NEURL1B: variants seen among roughly 807,000 people sequenced by gnomAD.
NEURL1B encodes the protein E3 ubiquitin-protein ligase NEURL1B.
In NEURL1B, 13 loss-of-function variants were observed where a neutral mutation model predicts 37.4. The ratio of observed to expected loss-of-function variants is 0.35; its 90% CI spans 0.23 to 0.55. NEURL1B has a LOEUF of 0.55. Among genes scored for constraint, NEURL1B ranks in the 20% least tolerant of loss-of-function variants. The pLI is 0.89. For synonymous variants in NEURL1B, 432 were observed against 426.6 expected, an observed-to-expected ratio of 1.01 and a Z score of -0.16; for missense variants, 790 against 879.2, an observed-to-expected ratio of 0.90 and a Z score of 1.28.
rs182233131 is a variant in NEURL1B, at chr5:172,668,670, G to T, written c.32-1115G>T. Among the ~76,000 whole-genome samples, 8 of 152,334 alleles carry T rather than the reference G, an allele frequency of 5.3e-5. No homozygotes were observed. In the East Asian group the frequency reaches 1.5e-3, roughly 29 times the overall value. On this transcript the variant is annotated intron_variant, in intron 1 of 4. Coordinates refer to ENST00000369800, the MANE Select transcript of NEURL1B (RefSeq NM_001142651.3). The stretch of plus-strand genomic sequence containing the variant: ...TCTCATTGTGTGCCTTGGGCGGCCT[G>T]TGGTTTCTGAGAATTTGCCATGAAA...
chr5:172,673,790 T>C (rs1339782629), intron 2 of NEURL1B, among the ~76,000 whole-genome samples: 1 of 135,948 alleles, frequency 7.4e-6, no homozygotes, highest in Non-Finnish European at 1.5e-5. Context: ...GCGTATCCCA[T>C]GCAATGTTTG....
rs1758231002 is a variant in NEURL1B at position 172,676,228 on chromosome 5, G to A, written c.577+5898G>A. ...CCTGGGAATGGTTGCCTTTAAGCCTGGCTCAATGCGGGGACCCAAAGAACT... is the reference window on the plus strand; with the variant it reads ...CCTGGGAATGGTTGCCTTTAAGCCTAGCTCAATGCGGGGACCCAAAGAACT... On this transcript the variant is annotated intron_variant, in intron 2 of 4. Coordinates refer to ENST00000369800, the MANE Select transcript of NEURL1B (RefSeq NM_001142651.3). This position sits in a 1 kb window ranked among gnomAD's most constrained non-coding sequence, Gnocchi z 4.5. Among the ~76,000 whole-genome samples the A allele has an allele frequency of 6.6e-6, 1 of 151,710 alleles. No homozygotes were observed. Among genetic ancestry groups the A allele is most frequent in the Admixed American group, 6.6e-5 (1 of 15,256 alleles).
intron 2 of NEURL1B, among the ~76,000 whole-genome samples, chr5:172,680,052 C>T (rs559839884): frequency 6.6e-6 from 1 of 152,342 alleles, no homozygotes; most frequent in South Asian, 2.1e-4. Context: ...ACAGGAGCCA[C>T]GCCTGTGTGT....
chr5:172,641,791 G>A lies in NEURL1B; in HGVS notation c.31+354G>A, dbSNP rs1355202696. 6.6e-6 allele frequency among the ~76,000 whole-genome samples: 1 copy of A among 152,242 alleles called. No homozygotes were observed. Among genetic ancestry groups the A allele is most frequent in the Admixed American group, 6.5e-5 (1 of 15,290 alleles). ...AAGGCGACCTGGGTGGGGGTGACTG[G>A]AGCCGGGCTCGCCAGGGCTTCCGAC... On this transcript the variant is annotated intron_variant, in intron 1 of 4. Coordinates refer to ENST00000369800, the MANE Select transcript of NEURL1B (RefSeq NM_001142651.3). The surrounding 1 kb of genome is among the most constrained non-coding windows in gnomAD (Gnocchi z 6.4).
At position 172,686,678 on chromosome 5, in the gene NEURL1B, C is replaced by T. The variant is rs1365039999; in HGVS notation, c.1424-3C>T. On this transcript the variant is annotated splice_region_variant and splice_polypyrimidine_tract_variant and intron_variant, in intron 4 of 4. Coordinates refer to ENST00000369800, the MANE Select transcript of NEURL1B (RefSeq NM_001142651.3). The surrounding 1 kb of genome is among the most constrained non-coding windows in gnomAD (Gnocchi z 7.9). ...ACATATGTCCTCTTCTCCCTTTCGG[C>T]AGTGACGGCCCCCAGCTCCCCGCTG... 5.2e-6 allele frequency: 8 copies of T among 1,548,482 alleles called. No homozygotes were observed. Among genetic ancestry groups the T allele is most frequent in the Non-Finnish European group, 7.0e-6 (8 of 1,144,780 alleles).
At chr5:172,668,170 C>T (rs1400220430) in intron 1 of NEURL1B, among the ~76,000 whole-genome samples, 1 of 152,044 alleles carries the variant, frequency 6.6e-6, no homozygotes, top group Non-Finnish European at 1.5e-5. Context: ...CTGACTTTGC[C>T]CACTGGAACG....
intron 2 of NEURL1B, among the ~76,000 whole-genome samples, chr5:172,682,158 G>A (rs185293171): frequency 1.2e-3 from 186 of 152,282 alleles, no homozygotes; most frequent in African/African-American, 3.9e-3. Context: ...ACTAAAGTAC[G>A]AATACCTGTA....
In NEURL1B at chr5:172,683,474, C is replaced by A; in HGVS notation, c.633C>A (p.Ser211Arg). 2 of 1,487,506 alleles carry A rather than the reference C, an allele frequency of 1.3e-6. No homozygotes were observed. The highest frequency in any genetic ancestry group is 1.8e-6 in the Non-Finnish European group (2 of 1,122,466). The allele number at this position is 1,487,506 out of a possible 1,614,324, so 92.1% of individuals were successfully genotyped here. ...CGCGCCTCAGCCAGGCCCGCTTCAG[C>A]GCCTGCCTGCCGCCCAGCAGCCACG... is the stretch of plus-strand genomic sequence containing the variant. ...TPARLSQARFSACLPPSSHDA... is the reference protein window; with the variant it reads ...TPARLSQARFRACLPPSSHDA... The change falls in exon 3 of 5, where the codon AGC becomes AGA. Residue 211 changes from serine (S) to arginine (R), a missense_variant. By Grantham distance (110) the Ser-to-Arg change is moderately radical (BLOSUM62 -1). Coordinates refer to ENST00000369800, the MANE Select transcript of NEURL1B (RefSeq NM_001142651.3). This position sits in a 1 kb window ranked among gnomAD's most constrained non-coding sequence, Gnocchi z 5.6.
chr5:172,650,264 G>C (rs1757637246), intron 1 of NEURL1B, among the ~76,000 whole-genome samples: 1 of 152,176 alleles, frequency 6.6e-6, no homozygotes, highest in African/African-American at 2.4e-5. Flanking sequence ...TCTCAGAAAA[G>C]CTTCCCTTCC....
Position 172,686,157 on chromosome 5 carries a change from T to C in NEURL1B, c.1298-14T>C. 1 of 1,551,210 alleles carries C rather than the reference T, an allele frequency of 6.4e-7. No individual in the cohort carries two copies. Among genetic ancestry groups the C allele is most frequent in the Non-Finnish European group, 8.7e-7 (1 of 1,146,784 alleles). ...ACCTTCCACTGCCCCTGATGGAATC[T>C]CTTTGGGCCTCAGGTACCCTGCAGT... is the stretch of plus-strand genomic sequence containing the variant. On this transcript the variant is annotated splice_polypyrimidine_tract_variant and intron_variant, in intron 3 of 4. Transcript: ENST00000369800. This position sits in a 1 kb window ranked among gnomAD's most constrained non-coding sequence, Gnocchi z 7.9.
In NEURL1B at chr5:172,686,055, T is replaced by C. The variant is rs1758488431; in HGVS notation, c.1298-116T>C. Reference sequence around the variant, plus strand: ...CACTCCTCAGCAGAACCCTGGGAGATACCTCTGGTCCTCTCGTTAGACGGG... The same window carrying C: ...CACTCCTCAGCAGAACCCTGGGAGACACCTCTGGTCCTCTCGTTAGACGGG... On this transcript the variant is annotated intron_variant, in intron 3 of 4. Transcript: ENST00000369800. The surrounding 1 kb of genome is among the most constrained non-coding windows in gnomAD (Gnocchi z 7.9). 1 of 1,252,402 alleles carries C rather than the reference T, an allele frequency of 8.0e-7. No individual in the cohort carries two copies. Among genetic ancestry groups the C allele is most frequent in the African/African-American group, 1.5e-5 (1 of 66,692 alleles). The allele number at this position is 1,252,402 out of a possible 1,614,324, so 77.6% of individuals were successfully genotyped here.
At chr5:172,678,329 G>C (rs1209879973) in intron 2 of NEURL1B, among the ~76,000 whole-genome samples, 1 of 152,108 alleles carries the variant, frequency 6.6e-6, no homozygotes, top group Non-Finnish European at 1.5e-5. Flanking sequence ...GCCCATCATT[G>C]GGCTTCACAT....
rs1758356507 is a variant in NEURL1B at position 172,681,685 on chromosome 5, AG to A, written c.578-1733del. ...CTGGTTTCCCAAGTGCTATAAATCC[AG>A]TTTAAGTGAAAGGTGTCTGAGGGGG... On this transcript the variant is annotated intron_variant, in intron 2 of 4. Transcript: ENST00000369800. 2.6e-5 allele frequency among the ~76,000 whole-genome samples: 4 copies of A among 152,264 alleles called. No homozygotes were observed. In the South Asian group the frequency reaches 8.3e-4, roughly 31 times the overall value.
Position 172,684,107 on chromosome 5 carries a change from C to T in NEURL1B, c.1266C>T (p.Arg422=). 8 of 1,264,526 alleles carry T rather than the reference C, an allele frequency of 6.3e-6. No individual in the cohort carries two copies. The highest frequency in any genetic ancestry group is 8.0e-6 in the Non-Finnish European group (8 of 1,004,992). The allele number at this position is 1,264,526 out of a possible 1,614,324, so 78.3% of individuals were successfully genotyped here. A position where few individuals can be genotyped will look rare whatever the true frequency, so the allele number is the denominator to read the frequency against. The change falls in exon 3 of 5, where the codon CGC becomes CGT. Residue 422 remains arginine (R), a synonymous_variant. Coordinates refer to ENST00000369800, the MANE Select transcript of NEURL1B (RefSeq NM_001142651.3). ...CGCTCTGGGCCTTCTTCGCCGTGCG[C>T]GGCGGCGTCGCGGGCCAGCTGCGTC... is the stretch of plus-strand genomic sequence containing the variant. The part of the protein sequence containing the change: ...TQALWAFFAV[R]GGVAGQLRLL...
chr5:172,670,021 C>A lies in NEURL1B; in HGVS notation c.268C>A (p.Arg90Ser). 1 of 1,491,620 alleles carries A rather than the reference C, an allele frequency of 6.7e-7. No homozygotes were observed. The highest frequency in any genetic ancestry group is 8.9e-7 in the Non-Finnish European group (1 of 1,127,242). 92.4% of individuals were successfully genotyped at this position (1,491,620 alleles called of 1,614,324 possible). Reference sequence around the variant, plus strand: ...GGTGCGGCTGCGCCTGGTGGCCGTGCGCCCTGGCTGGAGCGGCGCGCTGCG... The same window carrying A: ...GGTGCGGCTGCGCCTGGTGGCCGTGAGCCCTGGCTGGAGCGGCGCGCTGCG... ...EQVRLRLVAV[R>S]PGWSGALRFG... Residue 90 changes from arginine (R) to serine (S), a missense_variant, in exon 2 of 5, where the codon CGC (arginine) becomes AGC (serine). Coordinates refer to ENST00000369800, the MANE Select transcript of NEURL1B (RefSeq NM_001142651.3).
chr5:172,686,871 C>T lies in NEURL1B; in HGVS notation c.1614C>T (p.Cys538=), dbSNP rs1208663264. Residue 538 remains cysteine (C), a synonymous_variant, in exon 5 of 5, where the codon TGC becomes TGT. Transcript: ENST00000369800. The surrounding 1 kb of genome is among the most constrained non-coding windows in gnomAD (Gnocchi z 7.9). The stretch of plus-strand genomic sequence containing the variant: ...GGCTCAAGCGACAGGCCCGGGCCTG[C>T]TGCCCCATCTGCCGGCGGCCCATCA... ...GLRLKRQARA[C]CPICRRPIKD... 1 of 1,550,324 alleles carries T rather than the reference C, an allele frequency of 6.5e-7. No individual in the cohort carries two copies. Among genetic ancestry groups the T allele is most frequent in the African/African-American group, 1.4e-5 (1 of 73,046 alleles).
At chr5:172,684,447 TAA>T (rs1758442972) in intron 3 of NEURL1B, among the ~76,000 whole-genome samples, 2 of 152,076 alleles carry the variant, frequency 1.3e-5, no homozygotes, top group African/African-American at 4.8e-5. Flanking sequence ...CCTAGATAGG[TAA>T]CCGGCTTATC....
intron 1 of NEURL1B, among the ~76,000 whole-genome samples, chr5:172,662,852 G>A (rs1045648337): frequency 2.0e-5 from 3 of 152,080 alleles, no homozygotes; most frequent in East Asian, 1.9e-4. Context: ...TGCATTTCGA[G>A]TCTGGGCACT....
At chr5:172,667,420 T>G (rs532635158) in intron 1 of NEURL1B, among the ~76,000 whole-genome samples, 17 of 149,994 alleles carry the variant, frequency 1.1e-4, no homozygotes, top group South Asian at 8.4e-4. Context: ...CACTCCAGCC[T>G]GGGCAACAGA....
Sources: allele counts gnomAD v4.1 joint callset (sites outside exome capture counted in the v4.1 genomes callset), GRCh38; gene constraint gnomAD v4.1.1; non-coding constraint Gnocchi (gnomAD v3.1); transcripts MANE v1.5; gene names NCBI Gene and HGNC (gene_info 2026-07-23, HGNC 2026-07-21).